Variants in DRD3 observed in about 807,000 individuals in gnomAD.
The protein encoded by DRD3 is D(3) dopamine receptor.
A neutral mutation model predicts 36.3 loss-of-function variants in DRD3; 19 were observed. The observed-to-expected ratio is 0.52, with a 90% CI of 0.36 to 0.77. The LOEUF is 0.77. Among genes scored for constraint, DRD3 ranks in the 30% least tolerant of loss-of-function variants. DRD3 has a pLI of 0.00. For synonymous variants in DRD3, 195 were observed against 203.7 expected, an observed-to-expected ratio of 0.96 and a Z score of 0.36; for missense variants, 465 against 505.3, an observed-to-expected ratio of 0.92 and a Z score of 0.77.
At chr3:114,161,230 A>G (rs905299796) in intron 2 of DRD3, among the ~76,000 whole-genome samples, 3 of 152,214 alleles carry the variant, frequency 2.0e-5, no homozygotes, top group Non-Finnish European at 4.4e-5. Context: ...CCCAATGGCC[A>G]TTTAAGAGGA....
At position 114,128,234 on chromosome 3, in the gene DRD3, G is replaced by A. The variant is rs368816701; in HGVS notation, c.*482C>T. On this transcript the variant is annotated 3_prime_UTR_variant, in exon 7 of 7. Coordinates refer to ENST00000383673, the MANE Select transcript of DRD3 (RefSeq NM_000796.6). ...CTTGCCATTCACAGTTCCAGATACA[G>A]TGAAGGAAAGAAATGACCAAGAGGA... Among the ~76,000 whole-genome samples the A allele has an allele frequency of 8.1e-4, 124 of 152,316 alleles. 1 individual carries two copies. Among genetic ancestry groups the A allele is most frequent in the South Asian group, 3.7e-3 (18 of 4,828 alleles).
At chr3:114,161,765 G>A (rs1472633283) in intron 2 of DRD3, among the ~76,000 whole-genome samples, 1 of 152,082 alleles carries the variant, frequency 6.6e-6, no homozygotes, top group East Asian at 1.9e-4. Flanking sequence ...ATGATTTAGG[G>A]GAACCAAGAG....
At chr3:114,161,942 T>G (rs1032494271) in intron 2 of DRD3, among the ~76,000 whole-genome samples, 2 of 152,202 alleles carry the variant, frequency 1.3e-5, no homozygotes, top group East Asian at 3.8e-4. Flanking sequence ...GAGCACATGT[T>G]TGTTTGTGTT....
chr3:114,182,488 TA>T (rs917950019), upstream of DRD3, among the ~76,000 whole-genome samples: 2 of 152,036 alleles, frequency 1.3e-5, no homozygotes, highest in African/African-American at 4.8e-5. Flanking sequence ...AGTGGTTTTT[TA>T]TATCTGCATC....
Position 114,166,127 on chromosome 3 carries a change from A to G in DRD3, c.270+5596T>C, listed in dbSNP as rs2077781863. On this transcript the variant is annotated intron_variant, in intron 2 of 6. Coordinates refer to ENST00000383673, the MANE Select transcript of DRD3 (RefSeq NM_000796.6). ...TAGCCTCCCAAGTATCTGGGATTAC[A>G]GGTACCTGCCACTATGCCTGGCTAA... Among the ~76,000 whole-genome samples the G allele has an allele frequency of 2.0e-5, 3 of 151,648 alleles. No individual in the cohort carries two copies. In the South Asian group the frequency reaches 6.3e-4, roughly 32 times the overall value.
At chr3:114,199,014 G>A (rs569038426) in intron 1 of DRD3, among the ~76,000 whole-genome samples, 3 of 152,180 alleles carry the variant, frequency 2.0e-5, no homozygotes, top group African/African-American at 7.2e-5. Flanking sequence ...CAAAGCATGG[G>A]GATTATTGGT....
chr3:114,132,126 A>G (rs1479210334), intron 5 of DRD3, among the ~76,000 whole-genome samples: 1 of 152,214 alleles, frequency 6.6e-6, no homozygotes, highest in Non-Finnish European at 1.5e-5. Flanking sequence ...CTGCAGCAAT[A>G]TTTACAATAG....
At chr3:114,146,799 G>T (rs978391315) in intron 4 of DRD3, among the ~76,000 whole-genome samples, 28 of 152,128 alleles carry the variant, frequency 1.8e-4, no homozygotes, top group Non-Finnish European at 3.1e-4. Context: ...TGAGGTATTG[G>T]TGTCATGCTT....
intron 6 of DRD3, 127 bp from the exon 7 acceptor site, chr3:114,129,039 A>C: frequency 9.8e-7 from 1 of 1,021,138 alleles, no homozygotes; most frequent in Non-Finnish European, 1.4e-6. Flanking sequence ...ATACCCACTT[A>C]CTTTTTTTTA....
chr3:114,147,318 G>T (rs1222861130), intron 4 of DRD3, 97 bp downstream of exon 4: 1 of 1,464,628 alleles, frequency 6.8e-7, no homozygotes, highest in Non-Finnish European at 9.3e-7. Flanking sequence ...TACACTGACC[G>T]GGGGTCAGAA....
At position 114,128,564 on chromosome 3, in the gene DRD3, G is replaced by T; in HGVS notation, c.*152C>A. On this transcript the variant is annotated 3_prime_UTR_variant, in exon 7 of 7. Coordinates refer to ENST00000383673, the MANE Select transcript of DRD3 (RefSeq NM_000796.6). ...GGAGGTAGAATATTCTGTTTTGGAGGACACATCTGGTTATACCTGACAAGC... is the reference window on the plus strand; with the variant it reads ...GGAGGTAGAATATTCTGTTTTGGAGTACACATCTGGTTATACCTGACAAGC... The T allele has an allele frequency of 1.5e-6, 1 of 652,074 alleles. No individual in the cohort carries two copies. The highest frequency in any genetic ancestry group is 3.0e-5 in the East Asian group (1 of 33,598). The allele number at this position is 652,074 out of a possible 1,614,324, so 40.4% of individuals were successfully genotyped here.
chr3:114,169,026 A>T (rs2077813728), intron 2 of DRD3, among the ~76,000 whole-genome samples: 1 of 146,362 alleles, frequency 6.8e-6, no homozygotes, highest in African/African-American at 2.5e-5. Context: ...TCAACATTGC[A>T]CCCTTTTCTT....
chr3:114,135,678 GT>G (rs939044602), intron 5 of DRD3, among the ~76,000 whole-genome samples: 5 of 150,316 alleles, frequency 3.3e-5, no homozygotes, highest in East Asian at 3.9e-4. Context: ...TTTTTTGTTT[GT>G]TTTTTTTTGT....
chr3:114,165,399 C>T (rs919441960), intron 2 of DRD3, among the ~76,000 whole-genome samples: 1 of 151,676 alleles, frequency 6.6e-6, no homozygotes, highest in African/African-American at 2.4e-5. Context: ...CCACTGCACT[C>T]CAGCCTGGGC....
chr3:114,194,332 G>A (rs113705676), intron 1 of DRD3, among the ~76,000 whole-genome samples: 5,560 of 152,198 alleles, frequency 0.037, 129 homozygotes, highest in Admixed American at 0.066. Context: ...ACCCAGGCTG[G>A]AGTGCAGTGG....
chr3:114,159,951 C>T, intron 2 of DRD3, 84 bp from the exon 3 acceptor site: 2 of 1,208,018 alleles, frequency 1.7e-6, no homozygotes, highest in Non-Finnish European at 2.4e-6. Context: ...TGCTTTGCTG[C>T]CTAGTGTAGA....
At chr3:114,176,464 G>A (rs955461739) in intron 1 of DRD3, among the ~76,000 whole-genome samples, 5 of 152,060 alleles carry the variant, frequency 3.3e-5, no homozygotes, top group Admixed American at 2.6e-4. Context: ...AATTAGCTGC[G>A]TGTGATGCCA....
intron 1 of DRD3, among the ~76,000 whole-genome samples, chr3:114,191,255 G>GT (rs2078009386): frequency 6.6e-6 from 1 of 152,192 alleles, no homozygotes; most frequent in African/African-American, 2.4e-5. Context: ...GTAGAATTGG[G>GT]TGACAGTGAA....
At chr3:114,178,134 AG>A (rs1284634173) in intron 1 of DRD3, among the ~76,000 whole-genome samples, 1 of 152,186 alleles carries the variant, frequency 6.6e-6, no homozygotes, top group African/African-American at 2.4e-5. Context: ...CCATCATCAA[AG>A]GAAACATACA....
Sources: gnomAD v4.1 joint callset for allele counts (sites outside exome capture counted in the v4.1 genomes callset) on GRCh38, gnomAD v4.1.1 for gene constraint, MANE v1.5 for transcripts, NCBI Gene and HGNC (gene_info 2026-07-23, HGNC 2026-07-21) for gene names.